PRELID2: variants seen among roughly 807,000 people sequenced by gnomAD.
PRELID2 encodes the protein PRELI domain containing 2.
In PRELID2, 25 loss-of-function variants were observed where a neutral mutation model predicts 28.4. That is an observed-to-expected ratio of 0.88 (90% CI 0.64 to 1.23). PRELID2 has a LOEUF of 1.23. PRELID2 is among the 50% of genes most tolerant of loss of function. The pLI is 0.00. For missense variants in PRELID2, 201 were observed against 214.4 expected (o/e 0.94, Z 0.39); for synonymous variants, 76 against 71.6 (o/e 1.06, Z -0.31).
chr5:145,288,294 T>C, the PRELID2 span, among the ~76,000 whole-genome samples: 2 of 152,156 alleles, frequency 1.3e-5, no homozygotes, highest in Admixed American at 6.6e-5. Context: ...TATATCAATA[T>C]AGACTCATAT....
At chr5:145,358,164 C>T in the PRELID2 span, among the ~76,000 whole-genome samples, 1 of 152,104 alleles carries the variant, frequency 6.6e-6, no homozygotes. Flanking sequence ...CTCAGTGCTT[C>T]TCAGGGGAAC....
chr5:145,383,858 G>C, the PRELID2 span, among the ~76,000 whole-genome samples: 2 of 151,804 alleles, frequency 1.3e-5, no homozygotes. Context: ...ACACACATTT[G>C]AGTGTGTATA....
At chr5:145,261,538 T>G in the PRELID2 span, among the ~76,000 whole-genome samples, 1 of 152,078 alleles carries the variant, frequency 6.6e-6, no homozygotes, top group Non-Finnish European at 1.5e-5. Flanking sequence ...CACTCCCCAG[T>G]ACCAGCCCAC....
intron 1 of PRELID2, among the ~76,000 whole-genome samples, chr5:145,672,297 C>G (rs1754722851): frequency 6.6e-6 from 1 of 152,104 alleles, no homozygotes; most frequent in Non-Finnish European, 1.5e-5. Context: ...ATTCAGAATT[C>G]TCACACATTA....
chr5:145,564,304 A>T (rs1752947301), intron 1 of PRELID2, among the ~76,000 whole-genome samples: 1 of 152,198 alleles, frequency 6.6e-6, no homozygotes, highest in African/African-American at 2.4e-5. Flanking sequence ...CACACACTTG[A>T]CTGATTGGGC....
At chr5:145,637,666 C>G (rs1016782416) in intron 1 of PRELID2, among the ~76,000 whole-genome samples, 1 of 152,146 alleles carries the variant, frequency 6.6e-6, no homozygotes, top group Non-Finnish European at 1.5e-5. Flanking sequence ...AATTTAAACA[C>G]TTTTTTCATT....
intron 1 of PRELID2, among the ~76,000 whole-genome samples, chr5:145,522,179 T>C (rs1445083862): frequency 6.6e-6 from 1 of 152,232 alleles, no homozygotes; most frequent in Non-Finnish European, 1.5e-5. Context: ...AATTTCTTTG[T>C]CCCAATTCCT....
intron 1 of PRELID2, among the ~76,000 whole-genome samples, chr5:145,620,578 T>A (rs190856336): frequency 0.013 from 1,910 of 152,270 alleles, 52 homozygotes; most frequent in African/African-American, 0.043. Context: ...TAAATTTTTT[T>A]TAAAAAGTCC....
At chr5:145,302,515 T>C in the PRELID2 span, among the ~76,000 whole-genome samples, 5 of 152,090 alleles carry the variant, frequency 3.3e-5, no homozygotes, top group Admixed American at 6.6e-5. Flanking sequence ...ATATTTTTAT[T>C]TTTTACCTTT....
At chr5:145,239,214 G>T in the PRELID2 span, among the ~76,000 whole-genome samples, 1 of 152,140 alleles carries the variant, frequency 6.6e-6, no homozygotes, top group African/African-American at 2.4e-5. Flanking sequence ...TCCTCCTCTT[G>T]TCTAGCTATT....
Position 145,756,934 on chromosome 5 carries a change from T to G in PRELID2, c.*3602A>C, listed in dbSNP as rs1757274398. Among the ~76,000 whole-genome samples, 1 of 152,144 alleles carries G rather than the reference T, an allele frequency of 6.6e-6. No individual in the cohort carries two copies. Among genetic ancestry groups the G allele is most frequent in the Non-Finnish European group, 1.5e-5 (1 of 68,014 alleles). On this transcript the variant is annotated 3_prime_UTR_variant, in exon 7 of 7. Coordinates refer to ENST00000683046, the MANE Select transcript of PRELID2 (RefSeq NM_205846.3). ...CAAAGAGCAAATGTATCTGGAGCCTTCAGTGTAGGGACTTTAACAAAACTA... is the reference window on the plus strand; with the variant it reads ...CAAAGAGCAAATGTATCTGGAGCCTGCAGTGTAGGGACTTTAACAAAACTA...
chr5:145,520,200 T>C (rs1752552173), intron 1 of PRELID2, among the ~76,000 whole-genome samples: 1 of 152,226 alleles, frequency 6.6e-6, no homozygotes, highest in Admixed American at 6.5e-5. Flanking sequence ...TTCTTTATTG[T>C]TCCTGGCATA....
chr5:145,808,255 T>A (rs1253438910), intron 4 of PRELID2, among the ~76,000 whole-genome samples: 1 of 152,092 alleles, frequency 6.6e-6, no homozygotes, highest in Non-Finnish European at 1.5e-5. Context: ...AGTGTTTTAA[T>A]ACTTCAGTAA....
chr5:145,799,368 C>G (rs1000200596), intron 4 of PRELID2, among the ~76,000 whole-genome samples: 1 of 152,088 alleles, frequency 6.6e-6, no homozygotes, highest in Non-Finnish European at 1.5e-5. Context: ...TTACACTTAA[C>G]TTTGCCTCAT....
At chr5:145,265,348 G>C in the PRELID2 span, among the ~76,000 whole-genome samples, 4 of 152,106 alleles carry the variant, frequency 2.6e-5, no homozygotes, top group Non-Finnish European at 5.9e-5. Context: ...CCCATCTCAT[G>C]CTCACACATG....
chr5:145,816,211 T>C (rs554279296), intron 4 of PRELID2, among the ~76,000 whole-genome samples: 12 of 150,096 alleles, frequency 8.0e-5, no homozygotes, highest in African/African-American at 2.4e-4. Context: ...GCCACCCATA[T>C]AGTTGAAACC....
intron 1 of PRELID2, among the ~76,000 whole-genome samples, chr5:145,620,944 G>T (rs565638020): frequency 6.6e-6 from 1 of 152,120 alleles, no homozygotes; most frequent in East Asian, 1.9e-4. Context: ...GAAGACATCT[G>T]AATAACATCA....
chr5:145,742,309 T>C (rs1457910529), intron 1 of PRELID2, among the ~76,000 whole-genome samples: 6 of 117,772 alleles, frequency 5.1e-5, no homozygotes, highest in Non-Finnish European at 6.7e-5. Flanking sequence ...TATTTATATA[T>C]ATAAATAAAA....
At chr5:145,807,930 A>T (rs1485129851) in intron 4 of PRELID2, among the ~76,000 whole-genome samples, 1 of 152,240 alleles carries the variant, frequency 6.6e-6, no homozygotes, top group East Asian at 1.9e-4. Flanking sequence ...CTCTGATTAT[A>T]TGAACACAAA....
Sources: allele counts gnomAD v4.1 joint callset (sites outside exome capture counted in the v4.1 genomes callset), GRCh38; gene constraint gnomAD v4.1.1; transcripts MANE v1.5; gene names NCBI Gene and HGNC (gene_info 2026-07-23, HGNC 2026-07-21).